Variants in GNAQ observed in about 807,000 individuals in gnomAD.
GNAQ encodes the protein G protein subunit alpha q.
GNAQ carries 8 observed loss-of-function variants against 43.9 expected under a neutral mutation model. The observed-to-expected ratio is 0.18, with a 90% CI of 0.11 to 0.33. GNAQ has a LOEUF of 0.33. Ranked by LOEUF, GNAQ falls within the 10% of genes least tolerant of loss-of-function variation. The pLI, the probability that GNAQ is intolerant of heterozygous loss-of-function variation, is 1.00. For missense variants in GNAQ, 158 were observed against 450.8 expected (o/e 0.35, Z 5.88); for synonymous variants, 155 against 170.7 (o/e 0.91, Z 0.71).
chr9:77,779,932 C>G (rs1341737723), intron 5 of GNAQ, among the ~76,000 whole-genome samples: 61 of 152,014 alleles, frequency 4.0e-4, no homozygotes, highest in Non-Finnish European at 1.2e-4. Context: ...AATTAACCTT[C>G]CCGAACAGTA....
At chr9:78,010,626 C>T (rs1239298004) in intron 1 of GNAQ, among the ~76,000 whole-genome samples, 2 of 152,046 alleles carry the variant, frequency 1.3e-5, no homozygotes, top group Admixed American at 6.6e-5. Flanking sequence ...CCTGGAAAGA[C>T]GGCAGCCCTC....
chr9:77,995,431 T>C (rs191641478), intron 1 of GNAQ, among the ~76,000 whole-genome samples: 2 of 152,134 alleles, frequency 1.3e-5, no homozygotes, highest in African/African-American at 2.4e-5. Flanking sequence ...TCAAAAAAAG[T>C]CTTCAGCAAT....
intron 5 of GNAQ, among the ~76,000 whole-genome samples, chr9:77,779,239 T>C (rs1826350639): frequency 2.0e-5 from 3 of 151,598 alleles, no homozygotes; most frequent in Admixed American, 1.3e-4. Context: ...CACAATGAAA[T>C]GAAACTAGAA....
At chr9:77,844,132 A>C (rs747408541) in intron 2 of GNAQ, among the ~76,000 whole-genome samples, 19 of 152,198 alleles carry the variant, frequency 1.2e-4, no homozygotes, top group Non-Finnish European at 2.5e-4. Context: ...ACAGAACACT[A>C]ATCTCAAGTT....
Position 77,716,789 on chromosome 9 carries a change from G to A in GNAQ, c.*4534C>T, listed in dbSNP as rs1285337460. 4.3e-6 allele frequency: 1 copy of A among 232,770 alleles called. No homozygotes were observed. Among genetic ancestry groups the A allele is most frequent in the Non-Finnish European group, 8.5e-6 (1 of 117,850 alleles). The allele number at this position is 232,770 out of a possible 1,614,324, so 14.4% of individuals were successfully genotyped here. A position where few individuals can be genotyped will look rare whatever the true frequency, so the allele number is the denominator to read the frequency against. On this transcript the variant is annotated 3_prime_UTR_variant, in exon 7 of 7. Coordinates refer to ENST00000286548, the MANE Select transcript of GNAQ (RefSeq NM_002072.5). ...CTATATTGGGTTGGAATCATACGGGGAAATGGAGGACACAGGGTAGATAAG... is the reference window on the plus strand; with the variant it reads ...CTATATTGGGTTGGAATCATACGGGAAAATGGAGGACACAGGGTAGATAAG...
At chr9:77,876,871 C>T (rs1353791460) in intron 2 of GNAQ, among the ~76,000 whole-genome samples, 1 of 152,188 alleles carries the variant, frequency 6.6e-6, no homozygotes, top group African/African-American at 2.4e-5. Context: ...CAGCGATAGT[C>T]TCAACTTGAC....
At chr9:77,830,767 A>C (rs1201281683) in intron 2 of GNAQ, among the ~76,000 whole-genome samples, 2 of 152,184 alleles carry the variant, frequency 1.3e-5, no homozygotes, top group Admixed American at 1.3e-4. Flanking sequence ...AAGCATTTTG[A>C]AAATGGATAT....
At chr9:77,903,206 G>A (rs990425611) in intron 2 of GNAQ, among the ~76,000 whole-genome samples, 1 of 152,058 alleles carries the variant, frequency 6.6e-6, no homozygotes, top group African/African-American at 2.4e-5. Flanking sequence ...TAAAGTTTGA[G>A]GAGCCCCAGA....
chr9:77,743,664 A>T (rs961545462), intron 5 of GNAQ, among the ~76,000 whole-genome samples: 93 of 97,812 alleles, frequency 9.5e-4, no homozygotes, highest in South Asian at 5.6e-3. Context: ...TTTTTTTTTT[A>T]AACTGACTGA....
At chr9:78,021,849 G>A (rs1223690896) in intron 1 of GNAQ, among the ~76,000 whole-genome samples, 1 of 152,238 alleles carries the variant, frequency 6.6e-6, no homozygotes, top group Non-Finnish European at 1.5e-5. Context: ...AGCTGCTTGA[G>A]GATACGGAAG....
intron 1 of GNAQ, among the ~76,000 whole-genome samples, chr9:77,963,471 A>C (rs1289728980): frequency 6.6e-6 from 1 of 152,186 alleles, no homozygotes; most frequent in Non-Finnish European, 1.5e-5. Context: ...AACTAGGATC[A>C]AGAGCCTGAA....
intron 2 of GNAQ, among the ~76,000 whole-genome samples, chr9:77,918,231 A>C (rs1056369569): frequency 6.6e-6 from 1 of 152,254 alleles, no homozygotes; most frequent in Non-Finnish European, 1.5e-5. Context: ...CTCAAAAGCA[A>C]GTACAAAGTT....
chr9:77,932,432 A>G (rs1829165417), intron 1 of GNAQ, among the ~76,000 whole-genome samples: 1 of 152,244 alleles, frequency 6.6e-6, no homozygotes, highest in African/African-American at 2.4e-5. Flanking sequence ...TATGCGCTAA[A>G]GAATTAAACG....
chr9:77,727,087 CTTTTT>C (rs60016428), intron 6 of GNAQ, among the ~76,000 whole-genome samples: 4 of 139,194 alleles, frequency 2.9e-5, no homozygotes, highest in Admixed American at 7.2e-5. Flanking sequence ...AATAAATAAA[CTTTTT>C]TTTTTTTTTT....
chr9:77,967,050 CA>C (rs1274889920), intron 1 of GNAQ, among the ~76,000 whole-genome samples: 1 of 152,174 alleles, frequency 6.6e-6, no homozygotes, highest in African/African-American at 2.4e-5. Context: ...TTTTGTTTTT[CA>C]GTTCTTTTTA....
chr9:77,928,333 G>T (rs1419511739), intron 1 of GNAQ, among the ~76,000 whole-genome samples: 1 of 152,134 alleles, frequency 6.6e-6, no homozygotes, highest in Non-Finnish European at 1.5e-5. Context: ...CCCCAGCATG[G>T]TCGTGCAGAA....
intron 1 of GNAQ, among the ~76,000 whole-genome samples, chr9:77,969,104 T>G (rs1274481346): frequency 5.9e-5 from 9 of 152,240 alleles, no homozygotes; most frequent in Non-Finnish European, 1.5e-5. Flanking sequence ...TTGGTCTGCA[T>G]GCACCCCCAG....
rs1047483625 is a variant in GNAQ at position 77,720,295 on chromosome 9, C to A, written c.*1028G>T. On this transcript the variant is annotated 3_prime_UTR_variant, in exon 7 of 7. Coordinates refer to ENST00000286548, the MANE Select transcript of GNAQ (RefSeq NM_002072.5). ...AGCTTTTATTTTTTAAGTTCGTATT[C>A]ATTTTATTTGACAAAAAGCCAGCTT... 4.3e-6 allele frequency: 1 copy of A among 233,202 alleles called. No homozygotes were observed. Among genetic ancestry groups the A allele is most frequent in the Admixed American group, 5.6e-5 (1 of 17,754 alleles). The allele number at this position is 233,202 out of a possible 1,614,324, so 14.4% of individuals were successfully genotyped here. A position where few individuals can be genotyped will look rare whatever the true frequency, so the allele number is the denominator to read the frequency against.
At chr9:77,878,199 G>A (rs1193176556) in intron 2 of GNAQ, among the ~76,000 whole-genome samples, 2 of 149,404 alleles carry the variant, frequency 1.3e-5, no homozygotes, top group Non-Finnish European at 3.0e-5. Flanking sequence ...TAGGAGTTAC[G>A]CAAAAAAGTG....
Sources: gnomAD v4.1 joint callset for allele counts (sites outside exome capture counted in the v4.1 genomes callset) on GRCh38, gnomAD v4.1.1 for gene constraint, MANE v1.5 for transcripts, NCBI Gene and HGNC (gene_info 2026-07-23, HGNC 2026-07-21) for gene names.